The following AGAP1 variants were observed in gnomAD, a reference collection of about 807,000 sequenced individuals.
AGAP1 encodes ArfGAP with GTPase domain, ankyrin repeat and PH domain 1, also known as arf-GAP with GTPase, ANK repeat and PH domain-containing protein 1.
Under a neutral mutation model 105.3 loss-of-function variants are expected in AGAP1, and 29 were observed. The ratio of observed to expected loss-of-function variants is 0.28; its 90% CI spans 0.21 to 0.38. AGAP1 has a LOEUF of 0.38. Among genes scored for constraint, AGAP1 ranks in the 10% least tolerant of loss-of-function variants. AGAP1 has a pLI of 1.00. For synonymous variants in AGAP1, 509 were observed against 485.9 expected (o/e 1.05, Z -0.63); for missense variants, 998 against 1,165.1 (o/e 0.86, Z 2.09).
chr2:236,004,740 C>G (rs530044493), intron 13 of AGAP1, among the ~76,000 whole-genome samples: 1 of 152,146 alleles, frequency 6.6e-6, no homozygotes, highest in Non-Finnish European at 1.5e-5. Flanking sequence ...GTTGGGGCAG[C>G]CTTTCGAGTT....
chr2:235,745,075 A>G (rs927880579), intron 5 of AGAP1, among the ~76,000 whole-genome samples: 5 of 145,782 alleles, frequency 3.4e-5, no homozygotes, highest in African/African-American at 1.4e-4. Context: ...TGCTTTATGA[A>G]AAATAAAATC....
Position 235,874,196 on chromosome 2 carries a change from G to A in AGAP1, c.1051-9149G>A, listed in dbSNP as rs1056004667. The stretch of plus-strand genomic sequence containing the variant: ...CTCCCAAGTAGCTAGGTCTACAGGC[G>A]CACACCACCATGCCCAGCTAATTTT... On this transcript the variant is annotated intron_variant, in intron 9 of 17. Coordinates refer to ENST00000304032, the MANE Select transcript of AGAP1 (RefSeq NM_001037131.3). This position sits in a 1 kb window ranked among gnomAD's most constrained non-coding sequence, Gnocchi z 4.5. Among the ~76,000 whole-genome samples the A allele has an allele frequency of 3.3e-4, 50 of 152,058 alleles. No individual in the cohort carries two copies. The highest frequency in any genetic ancestry group is 1.2e-3 in the Admixed American group (18 of 15,278).
rs2054071851 is a variant in AGAP1 at position 235,959,121 on chromosome 2, A to G, written c.1484-9341A>G. ...GAGGCGCTCGCTTTTTTAATTTGGC[A>G]TGGCTTTTTTCTCTTAGCCTCTCCC... On this transcript the variant is annotated intron_variant, in intron 12 of 17. Coordinates refer to ENST00000304032, the MANE Select transcript of AGAP1 (RefSeq NM_001037131.3). The surrounding 1 kb of genome is among the most constrained non-coding windows in gnomAD (Gnocchi z 7.3). Among the ~76,000 whole-genome samples, 2 of 152,150 alleles carry G rather than the reference A, an allele frequency of 1.3e-5. No individual in the cohort carries two copies. Among genetic ancestry groups the G allele is most frequent in the East Asian group, 1.9e-4 (1 of 5,168 alleles).
At chr2:235,616,085 G>A (rs955326524) in intron 1 of AGAP1, among the ~76,000 whole-genome samples, 4 of 152,142 alleles carry the variant, frequency 2.6e-5, no homozygotes, top group East Asian at 3.9e-4. Context: ...CTTCTGGGCC[G>A]GATGCAGTGG....
chr2:235,853,264 C>G, intron 9 of AGAP1: 1 of 978,162 alleles, frequency 1.0e-6, no homozygotes, highest in East Asian at 1.1e-4. Flanking sequence ...AAAATGGCTC[C>G]CCCTACTCTG....
chr2:235,852,933 A>G, intron 9 of AGAP1: 2 of 1,303,040 alleles, frequency 1.5e-6, no homozygotes, highest in Non-Finnish European at 2.0e-6. Context: ...ACTTCAGCGC[A>G]TCTCTGATAG....
intron 16 of AGAP1, among the ~76,000 whole-genome samples, chr2:236,099,073 A>G (rs2059272308): frequency 6.6e-6 from 1 of 152,056 alleles, no homozygotes; most frequent in African/African-American, 2.4e-5. Flanking sequence ...GCTGCTGGGC[A>G]AGGACTTCAC....
At chr2:236,099,895 C>G (rs1321112082) in intron 16 of AGAP1, among the ~76,000 whole-genome samples, 3 of 151,962 alleles carry the variant, frequency 2.0e-5, no homozygotes, top group Non-Finnish European at 2.9e-5. Flanking sequence ...CAAAAATTAC[C>G]CAAGCATGGT....
rs80139854 is a variant in AGAP1 at position 235,802,173 on chromosome 2, C to T, written c.957+2651C>T. 5.7e-3 allele frequency among the ~76,000 whole-genome samples: 863 copies of T among 152,204 alleles called. 8 individuals carry two copies. Among genetic ancestry groups the T allele is most frequent in the African/African-American group, 0.019 (804 of 41,544 alleles). Reference sequence around the variant, plus strand: ...GAGTCAACCCATGTTCAAGGGAAAGCGATTTAGGGTGAAGGAGAAGGGGCT... The same window carrying T: ...GAGTCAACCCATGTTCAAGGGAAAGTGATTTAGGGTGAAGGAGAAGGGGCT... On this transcript the variant is annotated intron_variant, in intron 8 of 17. Transcript: ENST00000304032.
chr2:235,810,284 A>G (rs1958064619), intron 9 of AGAP1, among the ~76,000 whole-genome samples: 1 of 152,210 alleles, frequency 6.6e-6, no homozygotes, highest in African/African-American at 2.4e-5. Flanking sequence ...TGCCGCAAAC[A>G]TGTTCTCTGC....
At position 235,989,369 on chromosome 2, in the gene AGAP1, A is replaced by G. The variant is rs1436726635; in HGVS notation, c.1645+20746A>G. On this transcript the variant is annotated intron_variant, in intron 13 of 17. Coordinates refer to ENST00000304032, the MANE Select transcript of AGAP1 (RefSeq NM_001037131.3). This position sits in a 1 kb window ranked among gnomAD's most constrained non-coding sequence, Gnocchi z 4.4. The stretch of plus-strand genomic sequence containing the variant: ...ACCTAGTTCCTAAGCCCTTCCCCCA[A>G]CTGGAACCATGGAGGGAGGAAGAAC... 2.0e-5 allele frequency among the ~76,000 whole-genome samples: 3 copies of G among 152,116 alleles called. No homozygotes were observed. Among genetic ancestry groups the G allele is most frequent in the African/African-American group, 4.8e-5 (2 of 41,422 alleles).
chr2:235,697,389 A>T (rs1950046355), intron 1 of AGAP1, among the ~76,000 whole-genome samples: 1 of 152,092 alleles, frequency 6.6e-6, no homozygotes, highest in Non-Finnish European at 1.5e-5. Flanking sequence ...AGGTTGTTAG[A>T]AGTAGTTTAG....
Position 236,120,132 on chromosome 2 carries a change from G to A in AGAP1, c.2115-60G>A, listed in dbSNP as rs537680340. On this transcript the variant is annotated intron_variant, in intron 16 of 17. Coordinates refer to ENST00000304032, the MANE Select transcript of AGAP1 (RefSeq NM_001037131.3). The surrounding 1 kb of genome is among the most constrained non-coding windows in gnomAD (Gnocchi z 6.0). ...CTTCTCCCGACCACACTGGGCAGGGGCTGGCAGCCTGTGTTCTCGGGCCTG... is the reference window on the plus strand; with the variant it reads ...CTTCTCCCGACCACACTGGGCAGGGACTGGCAGCCTGTGTTCTCGGGCCTG... 6 of 1,562,970 alleles carry A rather than the reference G, an allele frequency of 3.8e-6. No homozygotes were observed. In the African/African-American group the frequency reaches 4.1e-5, roughly 11 times the overall value.
At chr2:235,529,657 C>T (rs2149071057) in intron 1 of AGAP1, among the ~76,000 whole-genome samples, 1 of 152,354 alleles carries the variant, frequency 6.6e-6, no homozygotes, top group African/African-American at 2.4e-5. Context: ...ACTGTATTCA[C>T]CTGACCCCCA....
intron 9 of AGAP1, among the ~76,000 whole-genome samples, chr2:235,849,237 G>C (rs1169789577): frequency 6.6e-6 from 1 of 152,198 alleles, no homozygotes; most frequent in African/African-American, 2.4e-5. Context: ...AGTTTTCTCA[G>C]AAAAGGACGA....
rs1428342319 is a variant in AGAP1 at position 236,051,709 on chromosome 2, G to T, written c.2114+2428G>T. Among the ~76,000 whole-genome samples the T allele has an allele frequency of 6.6e-6, 1 of 152,202 alleles. No homozygotes were observed. The highest frequency in any genetic ancestry group is 1.5e-5 in the Non-Finnish European group (1 of 68,040). On this transcript the variant is annotated intron_variant, in intron 16 of 17. Transcript: ENST00000304032. The surrounding 1 kb of genome is among the most constrained non-coding windows in gnomAD (Gnocchi z 5.9). ...CCTTAAAAGCGACCCTGGGGGCAGG[G>T]GAGAGGGGAAGGGTTTGTCTATTCA...
At position 235,957,707 on chromosome 2, in the gene AGAP1, A is replaced by T. The variant is rs1208066892; in HGVS notation, c.1484-10755A>T. Among the ~76,000 whole-genome samples, 1 of 152,214 alleles carries T rather than the reference A, an allele frequency of 6.6e-6. No homozygotes were observed. Among genetic ancestry groups the T allele is most frequent in the African/African-American group, 2.4e-5 (1 of 41,456 alleles). ...GCCTGTTCTTTATTTACCGGCCTAC[A>T]CATCTCTGTAAGCTTCAGAAAGAAC... On this transcript the variant is annotated intron_variant, in intron 12 of 17. Transcript: ENST00000304032. This position sits in a 1 kb window ranked among gnomAD's most constrained non-coding sequence, Gnocchi z 4.6.
chr2:236,079,266 T>G (rs1205616673), intron 16 of AGAP1, among the ~76,000 whole-genome samples: 3,262 of 151,338 alleles, frequency 0.022, 51 homozygotes, highest in African/African-American at 0.046. Context: ...ACACCTGTAA[T>G]CCCAGCACTT....
intron 13 of AGAP1, among the ~76,000 whole-genome samples, chr2:236,033,065 G>A (rs1022964747): frequency 1.3e-5 from 2 of 152,090 alleles, no homozygotes; most frequent in Admixed American, 6.5e-5. Context: ...GGCCAACATG[G>A]TGAAACCCTG....
Sources: gnomAD v4.1 joint callset for allele counts (sites outside exome capture counted in the v4.1 genomes callset) on GRCh38, gnomAD v4.1.1 for gene constraint, Gnocchi (gnomAD v3.1) non-coding constraint, MANE v1.5 for transcripts, NCBI Gene and HGNC (gene_info 2026-07-23, HGNC 2026-07-21) for gene names.